MBOAT2: variants seen among roughly 807,000 people sequenced by gnomAD.
The protein encoded by MBOAT2 is membrane-bound glycerophospholipid O-acyltransferase 2.
Under a neutral mutation model 63.4 loss-of-function variants are expected in MBOAT2, and 28 were observed. That is an observed-to-expected ratio of 0.44 (90% CI 0.33 to 0.61). The LOEUF (loss-of-function observed/expected upper bound fraction) is 0.61. MBOAT2 is among the 20% of genes least tolerant of loss of function. MBOAT2 has a pLI of 0.03. For missense variants in MBOAT2, 470 were observed against 605.8 expected (o/e 0.78, Z 2.35); for synonymous variants, 211 against 215.6 (o/e 0.98, Z 0.19).
intron 3 of MBOAT2, among the ~76,000 whole-genome samples, chr2:8,933,262 T>G (rs528669822): frequency 1.3e-5 from 2 of 152,346 alleles, no homozygotes; most frequent in Non-Finnish European, 2.9e-5. Context: ...TTTAAGTTAC[T>G]ACAACTACCT....
intron 3 of MBOAT2, among the ~76,000 whole-genome samples, chr2:8,909,115 G>A (rs557316560): frequency 4.9e-4 from 74 of 152,276 alleles, no homozygotes; most frequent in African/African-American, 1.8e-3. Flanking sequence ...AAAAAAACCT[G>A]TCCTCGATAG....
At chr2:8,895,443 T>A (rs1014735355) in intron 4 of MBOAT2, among the ~76,000 whole-genome samples, 1 of 152,204 alleles carries the variant, frequency 6.6e-6, no homozygotes, top group Admixed American at 6.5e-5. Context: ...GCATTTACAA[T>A]CCTTGAGCTA....
chr2:8,987,495 T>C (rs1402911937), intron 1 of MBOAT2, among the ~76,000 whole-genome samples: 1 of 152,232 alleles, frequency 6.6e-6, no homozygotes, highest in Non-Finnish European at 1.5e-5. Flanking sequence ...AAATGAAAAC[T>C]CTGATGACCT....
chr2:8,870,745 T>C (rs1395160797), intron 8 of MBOAT2, among the ~76,000 whole-genome samples: 1 of 152,204 alleles, frequency 6.6e-6, no homozygotes, highest in Non-Finnish European at 1.5e-5. Flanking sequence ...ATAACTTTAT[T>C]GCCTTACAGC....
At chr2:8,936,240 T>C (rs757358704) in intron 3 of MBOAT2, among the ~76,000 whole-genome samples, 7 of 152,186 alleles carry the variant, frequency 4.6e-5, no homozygotes, top group Non-Finnish European at 1.0e-4. Flanking sequence ...GTTGCAGGAA[T>C]GACATTGTAA....
Position 8,900,364 on chromosome 2 carries a change from T to G in MBOAT2, c.395+8257A>C, listed in dbSNP as rs371236045. ...TTTCATTAAAGGCCAGGGTTTGATC[T>G]AATAATAGCATGACATCTCTCCAAG... is the stretch of plus-strand genomic sequence containing the variant. On this transcript the variant is annotated intron_variant, in intron 4 of 12. Transcript: ENST00000305997. 1.5e-4 allele frequency among the ~76,000 whole-genome samples: 23 copies of G among 152,344 alleles called. No individual in the cohort carries two copies. The South Asian group carries it at 4.8e-3, about 32-fold the overall frequency.
intron 8 of MBOAT2, among the ~76,000 whole-genome samples, chr2:8,871,829 T>G (rs144951792): frequency 0.015 from 2,313 of 152,352 alleles, 25 homozygotes; most frequent in Middle Eastern, 0.041. Context: ...TATTGGCTGA[T>G]GTGTTTCTTT....
chr2:8,907,836 AT>A (rs947599311), intron 4 of MBOAT2, among the ~76,000 whole-genome samples: 100 of 151,916 alleles, frequency 6.6e-4, no homozygotes, highest in Non-Finnish European at 4.6e-4. Flanking sequence ...TATAGAAGTG[AT>A]TTTTTTTCCC....
chr2:8,955,939 A>AT (rs914633558), intron 2 of MBOAT2, among the ~76,000 whole-genome samples: 9 of 152,154 alleles, frequency 5.9e-5, no homozygotes, highest in Non-Finnish European at 1.2e-4. Context: ...GATCCTTAGT[A>AT]TTTTTTTACC....
intron 3 of MBOAT2, among the ~76,000 whole-genome samples, chr2:8,915,738 T>C (rs1666124392): frequency 6.6e-6 from 1 of 152,156 alleles, no homozygotes; most frequent in African/African-American, 2.4e-5. Flanking sequence ...ATTTATGAAT[T>C]TCACTGAATG....
intron 2 of MBOAT2, among the ~76,000 whole-genome samples, chr2:8,946,686 G>C (rs1027844468): frequency 6.6e-6 from 1 of 152,140 alleles, no homozygotes; most frequent in Non-Finnish European, 1.5e-5. Context: ...ATAGTGATCT[G>C]TGATCAGCGA....
chr2:8,956,877 T>C (rs1343720582), intron 2 of MBOAT2, among the ~76,000 whole-genome samples: 2 of 152,192 alleles, frequency 1.3e-5, no homozygotes, highest in African/African-American at 4.8e-5. Context: ...CCTCCTCATC[T>C]TTGGCAGTAC....
intron 3 of MBOAT2, among the ~76,000 whole-genome samples, chr2:8,937,146 AC>A (rs1158636791): frequency 6.6e-6 from 1 of 152,202 alleles, no homozygotes; most frequent in African/African-American, 2.4e-5. Flanking sequence ...CAGGGATGAG[AC>A]TTGCTCCAGG....
At chr2:8,931,904 G>T (rs967535797) in intron 3 of MBOAT2, among the ~76,000 whole-genome samples, 2 of 152,106 alleles carry the variant, frequency 1.3e-5, no homozygotes, top group Non-Finnish European at 2.9e-5. Flanking sequence ...TAGATGTGTG[G>T]TATTATTTCT....
chr2:8,892,073 G>A lies in MBOAT2; in HGVS notation c.396-4000C>T, dbSNP rs1664044695. On this transcript the variant is annotated intron_variant, in intron 4 of 12. Transcript: ENST00000305997. Reference sequence around the variant, plus strand: ...TCTCTACAAAGAACAAGAATAGTAGGATTTGGTTCTATTACACAGTAAAAC... The same window carrying A: ...TCTCTACAAAGAACAAGAATAGTAGAATTTGGTTCTATTACACAGTAAAAC... 2.0e-5 allele frequency among the ~76,000 whole-genome samples: 3 copies of A among 152,092 alleles called. No individual in the cohort carries two copies. The South Asian group carries it at 6.2e-4, about 32-fold the overall frequency.
At position 8,882,568 on chromosome 2, in the gene MBOAT2, G is replaced by A. The variant is rs374623015; in HGVS notation, c.452-3C>T. ...TTCTTCATCCTTCCGAAACATCCCT[G>A]AGAAACAAAAATAGGTACTCATCAA... On this transcript the variant is annotated splice_polypyrimidine_tract_variant and splice_region_variant and intron_variant, in intron 5 of 12. Coordinates refer to ENST00000305997, the MANE Select transcript of MBOAT2 (RefSeq NM_138799.4). The A allele has an allele frequency of 7.2e-5, 117 of 1,613,972 alleles. No homozygotes were observed. Among genetic ancestry groups the A allele is most frequent in the Non-Finnish European group, 9.4e-5 (111 of 1,179,972 alleles).
intron 1 of MBOAT2, among the ~76,000 whole-genome samples, chr2:8,979,235 T>G (rs540485216): frequency 5.0e-4 from 76 of 152,290 alleles, no homozygotes; most frequent in African/African-American, 1.8e-3. Context: ...AGTACTAACT[T>G]TTAATGATTA....
intron 1 of MBOAT2, among the ~76,000 whole-genome samples, chr2:8,976,636 G>A (rs916588194): frequency 3.9e-5 from 6 of 152,106 alleles, no homozygotes; most frequent in Non-Finnish European, 8.8e-5. Flanking sequence ...AGGAAGAAGG[G>A]GGATGAATAC....
intron 1 of MBOAT2, among the ~76,000 whole-genome samples, chr2:8,998,556 T>C (rs1249138327): frequency 2.0e-5 from 3 of 152,010 alleles, no homozygotes; most frequent in African/African-American, 4.8e-5. Context: ...AACTACCCTT[T>C]TCCATAACAT....
Sources: allele counts gnomAD v4.1 joint callset (sites outside exome capture counted in the v4.1 genomes callset), GRCh38; gene constraint gnomAD v4.1.1; transcripts MANE v1.5; gene names NCBI Gene and HGNC (gene_info 2026-07-23, HGNC 2026-07-21).